The following EEF1AKMT3 variants were observed in gnomAD, a reference collection of about 807,000 sequenced individuals.
EEF1AKMT3 encodes the protein EEF1A lysine methyltransferase 3.
EEF1AKMT3 carries 17 observed loss-of-function variants against 17.8 expected under a neutral mutation model. The ratio of observed to expected loss-of-function variants is 0.96; its 90% confidence interval spans 0.65 to 1.43. The LOEUF is 1.43. Among genes scored for constraint, EEF1AKMT3 ranks in the 40% most tolerant of loss-of-function variants. The pLI, the probability that EEF1AKMT3 is intolerant of heterozygous loss-of-function variation, is 0.00. For missense variants in EEF1AKMT3, 244 were observed against 285.8 expected, an observed-to-expected ratio of 0.85 and a Z score of 1.06; for synonymous variants, 116 against 126.5, an observed-to-expected ratio of 0.92 and a Z score of 0.56.
At chr12:57,776,945 C>T (rs1955484241) in intron 2 of EEF1AKMT3, among the ~76,000 whole-genome samples, 1 of 152,332 alleles carries the variant, frequency 6.6e-6, no homozygotes, top group African/African-American at 2.4e-5. Context: ...GCCACCGCAC[C>T]TGGGCTGTTT....
At chr12:57,774,592 A>T in intron 2 of EEF1AKMT3, 2 of 950,182 alleles carry the variant, frequency 2.1e-6, no homozygotes, top group Non-Finnish European at 3.4e-6. Flanking sequence ...GGTATTGGGG[A>T]TTCAACAATA....
intron 2 of EEF1AKMT3, among the ~76,000 whole-genome samples, chr12:57,776,021 T>G (rs575159314): frequency 6.6e-6 from 1 of 152,366 alleles, no homozygotes; most frequent in Admixed American, 6.5e-5. Context: ...CTTCCTGCTT[T>G]GACTCCTTGT....
chr12:57,777,821 A>G (rs1955489047), intron 2 of EEF1AKMT3, among the ~76,000 whole-genome samples: 1 of 152,180 alleles, frequency 6.6e-6, no homozygotes, highest in South Asian at 2.1e-4. Context: ...GGAGTTTGAG[A>G]CTAGCCTGAC....
Position 57,780,245 on chromosome 12 carries a change from T to C in EEF1AKMT3, c.290-10T>C. ...TCTGACTTGCATTTTTCCTCCTTCC[T>C]CTCTCTCAGGGGGGGATGTTACCAT... On this transcript the variant is annotated splice_polypyrimidine_tract_variant and intron_variant, in intron 2 of 2. Coordinates refer to ENST00000300209, the MANE Select transcript of EEF1AKMT3 (RefSeq NM_015433.3). 1.2e-6 allele frequency: 2 copies of C among 1,607,910 alleles called. No homozygotes were observed. Among genetic ancestry groups the C allele is most frequent in the Non-Finnish European group, 1.7e-6 (2 of 1,178,568 alleles).
intron 2 of EEF1AKMT3, among the ~76,000 whole-genome samples, chr12:57,775,578 T>C (rs10877017): frequency 0.33 from 49,724 of 152,024 alleles, 8,667 homozygotes; most frequent in East Asian, 0.66. Flanking sequence ...GACAGAGTTT[T>C]GCCATGTTGG....
intron 2 of EEF1AKMT3, among the ~76,000 whole-genome samples, 187 bp downstream of exon 2, chr12:57,773,315 C>T (rs1207071230): frequency 6.6e-6 from 1 of 151,760 alleles, no homozygotes; most frequent in East Asian, 1.9e-4. Context: ...CCAGACAGCG[C>T]GAATTGCCTG....
intron 2 of EEF1AKMT3, among the ~76,000 whole-genome samples, chr12:57,773,878 A>G (rs10877014): frequency 0.33 from 49,441 of 152,048 alleles, 8,586 homozygotes; most frequent in East Asian, 0.66. Context: ...TTATGAATAT[A>G]TTTCAGATTC....
Position 57,781,161 on chromosome 12 carries a change from A to T in EEF1AKMT3, c.*515A>T, listed in dbSNP as rs1190350053. 1.3e-5 allele frequency: 2 copies of T among 154,344 alleles called. No homozygotes were observed. Among genetic ancestry groups the T allele is most frequent in the African/African-American group, 2.5e-5 (1 of 40,508 alleles). The allele number at this position is 154,344 out of a possible 1,614,324, so 9.6% of individuals were successfully genotyped here. A position where few individuals can be genotyped will look rare whatever the true frequency, so the allele number is the denominator to read the frequency against. On this transcript the variant is annotated 3_prime_UTR_variant, in exon 3 of 3. Coordinates refer to ENST00000300209, the MANE Select transcript of EEF1AKMT3 (RefSeq NM_015433.3). Reference sequence around the variant, plus strand: ...GCAGCCTCAACCTCTGAAGGCCCAGATGATCTTCCTGCCTCAGCTCCCCAA... The same window carrying T: ...GCAGCCTCAACCTCTGAAGGCCCAGTTGATCTTCCTGCCTCAGCTCCCCAA...
intron 2 of EEF1AKMT3, among the ~76,000 whole-genome samples, chr12:57,777,354 A>AAG (rs1336888490): frequency 1.5e-4 from 23 of 152,294 alleles, no homozygotes; most frequent in Admixed American, 1.1e-3. Context: ...CAAAACTCAA[A>AAG]AGAGTTAATA....
At chr12:57,778,808 ACTCTT>A (rs1955495653) in intron 2 of EEF1AKMT3, among the ~76,000 whole-genome samples, 1 of 150,312 alleles carries the variant, frequency 6.7e-6, no homozygotes, top group Non-Finnish European at 1.5e-5. Context: ...GCCCTCCTGT[ACTCTT>A]CTCATCATAG....
At chr12:57,773,273 TTTG>T in intron 2 of EEF1AKMT3, 145 bp downstream of exon 2, 1 of 773,884 alleles carries the variant, frequency 1.3e-6, no homozygotes, top group East Asian at 2.8e-5. Flanking sequence ...AAAATTTGTT[TTTG>T]TTTTTATTTT....
At chr12:57,779,085 A>G (rs1276156848) in intron 2 of EEF1AKMT3, among the ~76,000 whole-genome samples, 1 of 152,026 alleles carries the variant, frequency 6.6e-6, no homozygotes, top group African/African-American at 2.4e-5. Flanking sequence ...TGGTCTGACC[A>G]CTCAATTTAA....
At position 57,781,482 on chromosome 12, in the gene EEF1AKMT3, TAG is replaced by T. The variant is rs1285922433; in HGVS notation, c.*839_*840del. The T allele has an allele frequency of 1.3e-5, 2 of 152,096 alleles. No individual in the cohort carries two copies. The highest frequency in any genetic ancestry group is 2.9e-5 in the Non-Finnish European group (2 of 68,040). 9.4% of individuals were successfully genotyped at this position (152,096 alleles called of 1,614,324 possible). A position where few individuals can be genotyped will look rare whatever the true frequency, so the allele number is the denominator to read the frequency against. ...CCACCCATTTCCTGCTTTTTAGAGA[TAG>T]AGTCTAGTGGAACCATGGCTCTAAC... On this transcript the variant is annotated 3_prime_UTR_variant, in exon 3 of 3. Transcript: ENST00000300209.
chr12:57,774,881 G>T, intron 2 of EEF1AKMT3: 1 of 932,360 alleles, frequency 1.1e-6, no homozygotes, highest in Non-Finnish European at 1.6e-6. Flanking sequence ...CGAGGCAGGC[G>T]GATTACCTGA....
At position 57,780,755 on chromosome 12, in the gene EEF1AKMT3, C is replaced by T; in HGVS notation, c.*109C>T. 7.0e-7 allele frequency: 1 copy of T among 1,420,182 alleles called. No individual in the cohort carries two copies. The highest frequency in any genetic ancestry group is 9.5e-7 in the Non-Finnish European group (1 of 1,054,728). The allele number at this position is 1,420,182 out of a possible 1,614,324, so 88.0% of individuals were successfully genotyped here. ...ATGAGGACCAAAAAGGATGGATTTC[C>T]CTGGCCTCTCTCACTTTCCTCCTTC... is the stretch of plus-strand genomic sequence containing the variant. On this transcript the variant is annotated 3_prime_UTR_variant, in exon 3 of 3. Transcript: ENST00000300209.
intron 2 of EEF1AKMT3, 37 bp from the exon 3 acceptor site, chr12:57,780,218 C>A (rs770448664): frequency 1.0e-5 from 16 of 1,603,956 alleles, no homozygotes; most frequent in Non-Finnish European, 1.4e-5. Context: ...TTGGTTGGTT[C>A]CTCTGACTTG....
At position 57,772,811 on chromosome 12, in the gene EEF1AKMT3, G is replaced by C. The variant is rs772004920; in HGVS notation, c.87G>C (p.Glu29Asp). ...EVGLFADSYS[E>D]KSQFCFCGHV... ...GGCTCTTTGCAGACTCTTACTCGGA[G>C]AAGAGCCAGTTCTGTTTCTGTGGGC... The change falls in exon 1 of 3, where the codon GAG (glutamate) becomes GAC (aspartate). Residue 29 changes from glutamate to aspartate, a missense_variant. Glu to Asp is a conservative substitution (Grantham distance 45, BLOSUM62 2). Coordinates refer to ENST00000300209, the MANE Select transcript of EEF1AKMT3 (RefSeq NM_015433.3). This position sits in a 1 kb window ranked among gnomAD's most constrained non-coding sequence, Gnocchi z 4.1. 6 of 1,614,096 alleles carry C rather than the reference G, an allele frequency of 3.7e-6. No individual in the cohort carries two copies. Among genetic ancestry groups the C allele is most frequent in the Admixed American group, 1.7e-5 (1 of 60,016 alleles).
chr12:57,774,755 G>A, intron 2 of EEF1AKMT3: 1 of 1,609,772 alleles, frequency 6.2e-7, no homozygotes, highest in South Asian at 1.1e-5. Flanking sequence ...TCCATCAAGG[G>A]AAGCTCTGTC....
In EEF1AKMT3 at chr12:57,772,998, T is replaced by C; in HGVS notation, c.178-19T>C. The C allele has an allele frequency of 6.2e-7, 1 of 1,614,162 alleles. No homozygotes were observed. The highest frequency in any genetic ancestry group is 1.3e-5 in the African/African-American group (1 of 75,056). On this transcript the variant is annotated intron_variant, in intron 1 of 2. Coordinates refer to ENST00000300209, the MANE Select transcript of EEF1AKMT3 (RefSeq NM_015433.3). This position sits in a 1 kb window ranked among gnomAD's most constrained non-coding sequence, Gnocchi z 4.1. Reference sequence around the variant, plus strand: ...AGCCATCCTCACGACTGTCTTTTTCTCTGTCTTTTCTCCCGTAGGCCCTGA... The same window carrying C: ...AGCCATCCTCACGACTGTCTTTTTCCCTGTCTTTTCTCCCGTAGGCCCTGA...
Sources: gnomAD v4.1 joint callset for allele counts (sites outside exome capture counted in the v4.1 genomes callset) on GRCh38, gnomAD v4.1.1 for gene constraint, Gnocchi (gnomAD v3.1) non-coding constraint, MANE v1.5 for transcripts, NCBI Gene and HGNC (gene_info 2026-07-23, HGNC 2026-07-21) for gene names.